FLCN: variants seen among roughly 807,000 people sequenced by gnomAD.
FLCN encodes folliculin, also known as BHD skin lesion fibrofolliculoma protein.
Under a neutral mutation model 62.5 loss-of-function variants are expected in FLCN, and 22 were observed. The observed-to-expected ratio is 0.35, with a 90% CI of 0.25 to 0.50. FLCN has a LOEUF of 0.50. Ranked by LOEUF, FLCN falls within the 20% of genes least tolerant of loss-of-function variation. FLCN has a pLI of 0.97. For missense variants in FLCN, 657 were observed against 778.0 expected, an observed-to-expected ratio of 0.84 and a Z score of 1.85; for synonymous variants, 319 against 310.0, an observed-to-expected ratio of 1.03 and a Z score of -0.30.
In FLCN at chr17:17,214,969, CCA is replaced by C. The variant is rs763899011; in HGVS notation, c.1538+14_1538+15del. ...AGGGTCGCAAGCAAAGGGGCCTCAC[CCA>C]CACTGTTGCTTACTTCATCCACTCC... is the stretch of plus-strand genomic sequence containing the variant. On this transcript the variant is annotated intron_variant, in intron 13 of 13. Transcript: ENST00000285071. 2 of 1,612,102 alleles carry C rather than the reference CCA, an allele frequency of 1.2e-6. No homozygotes were observed. Among genetic ancestry groups the C allele is most frequent in the Non-Finnish European group, 1.7e-6 (2 of 1,178,574 alleles).
At position 17,228,013 on chromosome 17, in the gene FLCN, C is replaced by T. The variant is rs999239742; in HGVS notation, c.125G>A (p.Gly42Asp). The change falls in exon 4 of 14, where the codon GGT (glycine) becomes GAT (aspartate). Residue 42 changes from glycine (G) to aspartate (D), a missense_variant. Gly to Asp is a moderately conservative substitution (Grantham distance 94). Coordinates refer to ENST00000285071, the MANE Select transcript of FLCN (RefSeq NM_144997.7). The part of the protein sequence containing the change: ...GDGNEDSPGQ[G>D]EQAEEEEGGI... ...ACCTTCCTCTTCTTCCGCCTGCTCA[C>T]CCTGGCCAGGACTGTCCTCATTCCC... is the stretch of plus-strand genomic sequence containing the variant. 6.2e-7 allele frequency: 1 copy of T among 1,614,056 alleles called. No individual in the cohort carries two copies. Among genetic ancestry groups the T allele is most frequent in the East Asian group, 2.2e-5 (1 of 44,888 alleles).
rs141650706 is a variant in FLCN, at chr17:17,212,699, T to C, written c.*956A>G. The C allele has an allele frequency of 0.022, 3,948 of 181,614 alleles. 133 individuals carry two copies. The highest frequency in any genetic ancestry group is 0.078 in the African/African-American group (3,308 of 42,364). The allele number at this position is 181,614 out of a possible 1,614,324, so 11.3% of individuals were successfully genotyped here. A position where few individuals can be genotyped will look rare whatever the true frequency, so the allele number is the denominator to read the frequency against. The stretch of plus-strand genomic sequence containing the variant: ...TACTCTGGAGGCTGAGGCAGGAGAA[T>C]TGCTTGAACCCAGGAGGCAGAGGTT... On this transcript the variant is annotated 3_prime_UTR_variant, in exon 14 of 14. Transcript: ENST00000285071.
At chr17:17,219,251 C>A in intron 8 of FLCN, 42 bp from the exon 9 acceptor site, 6 of 1,604,488 alleles carry the variant, frequency 3.7e-6, no homozygotes, top group Non-Finnish European at 5.1e-6. Context: ...TACAAACAGT[C>A]TCATCCTGTG....
At position 17,213,145 on chromosome 17, in the gene FLCN, C is replaced by A. The variant is rs537259057; in HGVS notation, c.*510G>T. On this transcript the variant is annotated 3_prime_UTR_variant, in exon 14 of 14. Transcript: ENST00000285071. ...TCACTCCCCAAAGTCTCTTGCGGAG[C>A]CCTAACTCAATCACTCAGTGACCAA... 9.2e-5 allele frequency: 29 copies of A among 314,012 alleles called. No individual in the cohort carries two copies. The highest frequency in any genetic ancestry group is 5.8e-4 in the African/African-American group (28 of 48,268). The allele number at this position is 314,012 out of a possible 1,614,324, so 19.5% of individuals were successfully genotyped here.
At position 17,222,891 on chromosome 17, in the gene FLCN, G is replaced by C. The variant is rs142465664; in HGVS notation, c.619-230C>G. The C allele has an allele frequency of 3.6e-3, 2,095 of 579,342 alleles. 14 individuals carry two copies. Among genetic ancestry groups the C allele is most frequent in the Non-Finnish European group, 4.3e-3 (1,371 of 317,824 alleles). The allele number at this position is 579,342 out of a possible 1,614,324, so 35.9% of individuals were successfully genotyped here. On this transcript the variant is annotated intron_variant, in intron 6 of 13. Transcript: ENST00000285071. ...AACAGAAATCGGTTGAGCTTCTCCTGTCCCCTTCCTAATGAGTGACCCAAG... is the reference window on the plus strand; with the variant it reads ...AACAGAAATCGGTTGAGCTTCTCCTCTCCCCTTCCTAATGAGTGACCCAAG...
chr17:17,224,545 CTTTA>C (rs768546788), intron 5 of FLCN: 136 of 347,162 alleles, frequency 3.9e-4, no homozygotes, highest in Non-Finnish European at 4.7e-4. Flanking sequence ...TTCTTTCTTT[CTTTA>C]TTTGAGATGG....
chr17:17,212,914 G>C lies in FLCN; in HGVS notation c.*741C>G, dbSNP rs530771625. On this transcript the variant is annotated 3_prime_UTR_variant, in exon 14 of 14. Transcript: ENST00000285071. ...AAAAGCGATACAGAATAAAAGCATG[G>C]CGGGGCTCACCATATCCAGGGGATT... The C allele has an allele frequency of 4.3e-6, 1 of 233,996 alleles. No individual in the cohort carries two copies. The highest frequency in any genetic ancestry group is 1.3e-3 in the Middle Eastern group (1 of 782). 14.5% of individuals were successfully genotyped at this position (233,996 alleles called of 1,614,324 possible). A position where few individuals can be genotyped will look rare whatever the true frequency, so the allele number is the denominator to read the frequency against.
intron 4 of FLCN, among the ~76,000 whole-genome samples, chr17:17,226,710 T>A (rs1295733783): frequency 1.3e-5 from 2 of 152,174 alleles, no homozygotes; most frequent in African/African-American, 4.8e-5. Flanking sequence ...GGCTCTGTGG[T>A]GGTAACACTA....
At position 17,216,398 on chromosome 17, in the gene FLCN, G is replaced by C. The variant is rs368880414; in HGVS notation, c.1282C>G (p.Pro428Ala). 6.2e-7 allele frequency: 1 copy of C among 1,613,606 alleles called. No individual in the cohort carries two copies. Among genetic ancestry groups the C allele is most frequent in the Non-Finnish European group, 8.5e-7 (1 of 1,179,728 alleles). ...CACGCACCTGAGGAGAGCACGTGGG[G>C]GGGGATCTGCACGTGCGGGCTGAGC... is the stretch of plus-strand genomic sequence containing the variant. ...LGLSPHVQIP[P>A]HVLSSEFAVI... Residue 428 changes from proline to alanine, a missense_variant, in exon 11 of 14, where the codon CCC becomes GCC. Pro to Ala is a conservative substitution (Grantham distance 27). Coordinates refer to ENST00000285071, the MANE Select transcript of FLCN (RefSeq NM_144997.7). The surrounding 1 kb of genome is among the most constrained non-coding windows in gnomAD (Gnocchi z 4.0).
chr17:17,229,831 C>G (rs549767812), intron 3 of FLCN, among the ~76,000 whole-genome samples: 5 of 152,128 alleles, frequency 3.3e-5, no homozygotes, highest in Non-Finnish European at 7.3e-5. Context: ...AATGGGACAC[C>G]TGGTGGGGAC....
At position 17,212,610 on chromosome 17, in the gene FLCN, C is replaced by T. The variant is rs563644388; in HGVS notation, c.*1045G>A. The stretch of plus-strand genomic sequence containing the variant: ...GACCAGCCCGGCCAACACGGTGAAA[C>T]CCCGTCTCTACTAAAAAATACAAAA... On this transcript the variant is annotated 3_prime_UTR_variant, in exon 14 of 14. Transcript: ENST00000285071. 5.7e-6 allele frequency: 1 copy of T among 175,390 alleles called. No individual in the cohort carries two copies. Among genetic ancestry groups the T allele is most frequent in the African/African-American group, 2.4e-5 (1 of 42,034 alleles). 10.9% of individuals were successfully genotyped at this position (175,390 alleles called of 1,614,324 possible). A position where few individuals can be genotyped will look rare whatever the true frequency, so the allele number is the denominator to read the frequency against.
At chr17:17,233,922 C>A (rs2047500686) in intron 1 of FLCN, among the ~76,000 whole-genome samples, 1 of 151,558 alleles carries the variant, frequency 6.6e-6, no homozygotes, top group Non-Finnish European at 1.5e-5. Context: ...AGAGTTTCAC[C>A]ATGTTGGCCA....
At position 17,217,135 on chromosome 17, in the gene FLCN, C is replaced by T; in HGVS notation, c.1110G>A (p.Met370Ile). 1 of 1,614,126 alleles carries T rather than the reference C, an allele frequency of 6.2e-7. No homozygotes were observed. Among genetic ancestry groups the T allele is most frequent in the African/African-American group, 1.3e-5 (1 of 75,066 alleles). The change falls in exon 10 of 14, where the codon ATG becomes ATA. Residue 370 changes from methionine (M) to isoleucine (I), a missense_variant. By Grantham distance (10) the Met-to-Ile change is conservative. Transcript: ENST00000285071. ...SFRMLAWHVL[M>I]GNQVIWKSRD... ...TGCTTTTCCAGATCACCTGGTTCCC[C>T]ATGAGAACGTGCCAGGCCAGCATGC...
chr17:17,215,083 G>A lies in FLCN; in HGVS notation c.1440C>T (p.Pro480=), dbSNP rs1597579041. The A allele has an allele frequency of 2.5e-6, 4 of 1,614,008 alleles. No homozygotes were observed. Among genetic ancestry groups the A allele is most frequent in the African/African-American group, 1.3e-5 (1 of 74,940 alleles). ...GSPVAADRVG[P]TILNKIEAAL... Reference sequence around the variant, plus strand: ...CCGCTTCAATCTTATTCAGGATGGTGGGGCCCACTGGGGAGAAGGGCAGGG... The same window carrying A: ...CCGCTTCAATCTTATTCAGGATGGTAGGGCCCACTGGGGAGAAGGGCAGGG... The change falls in exon 13 of 14, where the codon CCC becomes CCT. Residue 480 remains proline, a synonymous_variant. Transcript: ENST00000285071.
chr17:17,232,291 CCTG>C (rs1428424711), intron 2 of FLCN, among the ~76,000 whole-genome samples: 2 of 152,248 alleles, frequency 1.3e-5, no homozygotes, highest in African/African-American at 2.4e-5. Context: ...CCTCCCCTGC[CCTG>C]CTTTGAGTCG....
intron 9 of FLCN, 26 bp from the exon 10 acceptor site, chr17:17,217,208 AG>A: frequency 2.1e-6 from 3 of 1,455,956 alleles, no homozygotes; most frequent in Middle Eastern, 1.7e-4. Context: ...CAGTGCTTTC[AG>A]CGTGACTAGT....
rs2046788335 is a variant in FLCN at position 17,212,414 on chromosome 17, G to C, written c.*1241C>G. 6.0e-6 allele frequency: 1 copy of C among 166,672 alleles called. No homozygotes were observed. The highest frequency in any genetic ancestry group is 1.3e-5 in the Non-Finnish European group (1 of 78,160). 10.3% of individuals were successfully genotyped at this position (166,672 alleles called of 1,614,324 possible). ...CCTGTAGCTGTATGTTGAAGCAGGAGGACTGCTTGAACTCAGGAGTTCAAG... is the reference window on the plus strand; with the variant it reads ...CCTGTAGCTGTATGTTGAAGCAGGACGACTGCTTGAACTCAGGAGTTCAAG... On this transcript the variant is annotated 3_prime_UTR_variant, in exon 14 of 14. Transcript: ENST00000285071.
At chr17:17,233,125 T>C (rs2047470581) in intron 1 of FLCN, among the ~76,000 whole-genome samples, 1 of 152,140 alleles carries the variant, frequency 6.6e-6, no homozygotes, top group Admixed American at 6.6e-5. Flanking sequence ...TAAACCAGTA[T>C]TTGATCAAGG....
At chr17:17,223,886 C>A (rs373648935) in intron 6 of FLCN, 36 bp downstream of exon 6, 1 of 1,604,614 alleles carries the variant, frequency 6.2e-7, no homozygotes, top group Non-Finnish European at 8.5e-7. Context: ...CAGTGCAGGG[C>A]CCCCTGCCGC....
Sources: allele counts gnomAD v4.1 joint callset (sites outside exome capture counted in the v4.1 genomes callset), GRCh38; gene constraint gnomAD v4.1.1; non-coding constraint Gnocchi (gnomAD v3.1); transcripts MANE v1.5; gene names NCBI Gene and HGNC (gene_info 2026-07-23, HGNC 2026-07-21).